The following MAPT variants were observed in gnomAD, a reference collection of about 807,000 sequenced individuals.
The protein encoded by MAPT is microtubule-associated protein tau.
MAPT carries 34 observed loss-of-function variants against 67.9 expected under a neutral mutation model. The observed-to-expected ratio is 0.50, with a 90% confidence interval of 0.38 to 0.67. The LOEUF (loss-of-function observed/expected upper bound fraction) is 0.67. Ranked by LOEUF, MAPT falls within the 30% of genes least tolerant of loss-of-function variation. The pLI is 0.00. For synonymous variants in MAPT, 456 were observed against 464.5 expected (o/e 0.98, Z 0.23); for missense variants, 881 against 1,115.2 (o/e 0.79, Z 2.99).
chr17:45,999,349 C>T (rs574221726), intron 9 of MAPT: 1 of 1,614,010 alleles, frequency 6.2e-7, no homozygotes, highest in South Asian at 1.1e-5. Flanking sequence ...GTGGCCGGCC[C>T]TCATTGAATG....
At chr17:46,004,160 G>A (rs537103026) in intron 9 of MAPT, among the ~76,000 whole-genome samples, 2 of 152,180 alleles carry the variant, frequency 1.3e-5, no homozygotes, top group Non-Finnish European at 2.9e-5. Context: ...GACAGGCCAA[G>A]TCTGGGCCAG....
At chr17:45,919,736 G>A (rs1405149725) in intron 1 of MAPT, among the ~76,000 whole-genome samples, 3 of 152,164 alleles carry the variant, frequency 2.0e-5, no homozygotes, top group South Asian at 2.1e-4. Flanking sequence ...GTGAGACCGC[G>A]TCTCTACAAA....
intron 1 of MAPT, among the ~76,000 whole-genome samples, chr17:45,926,504 G>T (rs2066305054): frequency 6.6e-6 from 1 of 151,942 alleles, no homozygotes. Context: ...TTTAGAGATG[G>T]TGTTTACTAT....
chr17:45,941,737 T>G (rs112568425), intron 1 of MAPT, among the ~76,000 whole-genome samples: 15,299 of 131,664 alleles, frequency 0.12, 1,505 homozygotes, highest in Non-Finnish European at 0.19. Flanking sequence ...CTTCCTTCCT[T>G]CCTTCCTTCC....
chr17:45,993,802 C>T (rs1598314913), intron 8 of MAPT: 12 of 958,748 alleles, frequency 1.3e-5, no homozygotes, highest in Admixed American at 8.1e-5. Flanking sequence ...TTGGGCCCCT[C>T]GACCTTGTTT....
At chr17:45,969,520 G>A (rs977742009) in intron 2 of MAPT, among the ~76,000 whole-genome samples, 3 of 147,548 alleles carry the variant, frequency 2.0e-5, no homozygotes, top group Non-Finnish European at 3.0e-5. Context: ...TCATATATCT[G>A]TACATAATCC....
chr17:45,999,800 A>G, intron 9 of MAPT: 1 of 779,628 alleles, frequency 1.3e-6, no homozygotes, highest in Non-Finnish European at 2.0e-6. Context: ...CGAAGTGTGG[A>G]AAAGTGGCAG....
At chr17:46,007,363 G>A (rs1010205072) in intron 9 of MAPT, among the ~76,000 whole-genome samples, 2 of 151,722 alleles carry the variant, frequency 1.3e-5, no homozygotes, top group Admixed American at 1.3e-4. Flanking sequence ...AGCACATACC[G>A]GTAGTTCCAG....
chr17:45,935,191 C>A (rs545367786), intron 1 of MAPT, among the ~76,000 whole-genome samples: 1 of 152,192 alleles, frequency 6.6e-6, no homozygotes, highest in East Asian at 1.9e-4. Context: ...TTTCCATTCC[C>A]TCGGGAGAGT....
chr17:45,938,358 A>G (rs2067547293), intron 1 of MAPT, among the ~76,000 whole-genome samples: 1 of 152,186 alleles, frequency 6.6e-6, no homozygotes, highest in Non-Finnish European at 1.5e-5. Context: ...TCCATCAATC[A>G]TCTTCAAAGC....
chr17:46,010,883 G>A lies in MAPT; in HGVS notation c.2091+481G>A, dbSNP rs1010598869. On this transcript the variant is annotated intron_variant, in intron 10 of 12. Transcript: ENST00000262410. The surrounding 1 kb of genome is among the most constrained non-coding windows in gnomAD (Gnocchi z 4.7). ...TGGCTCCACTGTGGACAGGTGACCC[G>A]TTTGTTCTGATGAGCGGACACCAAG... Among the ~76,000 whole-genome samples, 9 of 152,210 alleles carry A rather than the reference G, an allele frequency of 5.9e-5. No homozygotes were observed. The highest frequency in any genetic ancestry group is 8.8e-5 in the Non-Finnish European group (6 of 68,036).
chr17:45,952,914 C>CGGA (rs1376184567), intron 1 of MAPT, among the ~76,000 whole-genome samples: 1 of 152,104 alleles, frequency 6.6e-6, no homozygotes, highest in African/African-American at 2.4e-5. Context: ...TGAGGGGCAG[C>CGGA]GGAGCATCAC....
intron 1 of MAPT, among the ~76,000 whole-genome samples, chr17:45,904,850 T>C (rs1208583705): frequency 6.6e-6 from 1 of 152,170 alleles, no homozygotes; most frequent in East Asian, 1.9e-4. Context: ...CAGCAATATG[T>C]TAATAAGCCA....
chr17:45,962,571 T>A (rs2070565334), intron 2 of MAPT, 101 bp downstream of exon 2: 4 of 1,440,580 alleles, frequency 2.8e-6, no homozygotes, highest in Non-Finnish European at 3.8e-6. Context: ...AAATACATTA[T>A]TGTCTTAGAC....
Position 45,951,702 on chromosome 17 carries a change from G to A in MAPT, c.-17-10619G>A, listed in dbSNP as rs1194193738. On this transcript the variant is annotated intron_variant, in intron 1 of 12. Coordinates refer to ENST00000262410, the MANE Select transcript of MAPT (RefSeq NM_001377265.1). ...AGCCCCTTCCCCCACCCCGCCCCCC[G>A]GGCCTCAATTTAGCTAAAAAACCAC... 5.3e-5 allele frequency among the ~76,000 whole-genome samples: 8 copies of A among 151,190 alleles called. No individual in the cohort carries two copies. In the East Asian group the frequency reaches 7.9e-4, roughly 15 times the overall value.
chr17:45,985,523 C>A, intron 5 of MAPT: 1 of 215,296 alleles, frequency 4.6e-6, no homozygotes, highest in Non-Finnish European at 7.9e-6. Context: ...AAATAAAAGA[C>A]TAAAGTAAGT....
intron 1 of MAPT, among the ~76,000 whole-genome samples, chr17:45,940,060 A>G (rs1005385658): frequency 6.6e-6 from 1 of 152,192 alleles, no homozygotes; most frequent in Admixed American, 6.5e-5. Context: ...TCAAAAAGAA[A>G]AGAGAGTAGT....
chr17:45,900,248 C>T (rs753947322), intron 1 of MAPT, among the ~76,000 whole-genome samples: 5 of 152,214 alleles, frequency 3.3e-5, no homozygotes, highest in African/African-American at 4.8e-5. Context: ...TCCTCTGTCT[C>T]GCCCCTGTTG....
intron 3 of MAPT, chr17:45,975,701 C>T (rs2072255393): frequency 6.6e-6 from 1 of 152,172 alleles, no homozygotes; most frequent in Non-Finnish European, 1.5e-5. Context: ...TCCACAGTGG[C>T]AAAACAGTGT....
Sources: allele counts gnomAD v4.1 joint callset (sites outside exome capture counted in the v4.1 genomes callset), GRCh38; gene constraint gnomAD v4.1.1; non-coding constraint Gnocchi (gnomAD v3.1); transcripts MANE v1.5; gene names NCBI Gene and HGNC (gene_info 2026-07-23, HGNC 2026-07-21).